Variants in NCAN observed in about 807,000 individuals in gnomAD.
The protein encoded by NCAN is neurocan.
In NCAN, 47 loss-of-function variants were observed where a neutral mutation model predicts 121.8. That is an observed-to-expected ratio of 0.39 (90% CI 0.31 to 0.49). The LOEUF (loss-of-function observed/expected upper bound fraction) is 0.49, where lower values mean the gene tolerates loss of function less well. Among genes scored for constraint, NCAN ranks in the 20% least tolerant of loss-of-function variants. The pLI, the probability that NCAN is intolerant of heterozygous loss-of-function variation, is 0.92. For synonymous variants in NCAN, 633 were observed against 702.0 expected (o/e 0.90, Z 1.55); for missense variants, 1,517 against 1,773.4 (o/e 0.86, Z 2.60).
At chr19:19,231,334 T>TC (rs2060858937) in intron 8 of NCAN, among the ~76,000 whole-genome samples, 1 of 150,674 alleles carries the variant, frequency 6.6e-6, no homozygotes, top group Non-Finnish European at 1.5e-5. Context: ...GGGTTTCTTT[T>TC]TTTTTTTTTT....
chr19:19,235,074 T>A lies in NCAN; in HGVS notation c.3228T>A (p.Tyr1076Ter). The A allele has an allele frequency of 6.2e-7, 1 of 1,612,520 alleles. No homozygotes were observed. Among genetic ancestry groups the A allele is most frequent in the Non-Finnish European group, 8.5e-7 (1 of 1,178,956 alleles). Residue 1076 changes from tyrosine (Y) to a stop codon, truncating the protein, a stop_gained, in exon 10 of 15, where the codon TAT becomes TAA. Coordinates refer to ENST00000252575, the MANE Select transcript of NCAN (RefSeq NM_004386.3). LOFTEE classifies it high-confidence loss of function. Reference sequence around the variant, plus strand: ...TTGTCTGCCTTTGCCTCCCCAGCTATGGGGGCAGCTTTTGTGAGAAAGGTG... The same window carrying A: ...TTGTCTGCCTTTGCCTCCCCAGCTAAGGGGGCAGCTTTTGTGAGAAAGGTG... ...NGFVCLCLPS[Y>*]GGSFCEKDTE... is the part of the protein sequence containing the mutation.
At chr19:19,218,174 A>G (rs1341997047) in intron 2 of NCAN, among the ~76,000 whole-genome samples, 1 of 151,890 alleles carries the variant, frequency 6.6e-6, no homozygotes, top group African/African-American at 2.4e-5. Context: ...GCTACTGGGG[A>G]GGCTGAGGCA....
chr19:19,245,420 C>T lies in NCAN; in HGVS notation c.3600C>T (p.Cys1200=). 6.2e-7 allele frequency: 1 copy of T among 1,614,218 alleles called. No individual in the cohort carries two copies. Among genetic ancestry groups the T allele is most frequent in the South Asian group, 1.1e-5 (1 of 91,088 alleles). The change falls in exon 13 of 15, where the codon TGC becomes TGT. Residue 1200 remains cysteine, a synonymous_variant. Coordinates refer to ENST00000252575, the MANE Select transcript of NCAN (RefSeq NM_004386.3). ...HESGRWNDVP[C]NYNLPYVCKK... is the part of the protein sequence containing the mutation. ...GCGGGCGCTGGAACGATGTCCCCTG[C>T]AACTACAACCTACCCTATGTCTGCA...
rs112069465 is a variant in NCAN, at chr19:19,249,809, A to C, written c.3864A>C (p.Gln1288His). The change falls in exon 15 of 15, where the codon CAA becomes CAC. Residue 1288 changes from glutamine (Q) to histidine (H), a missense_variant. Coordinates refer to ENST00000252575, the MANE Select transcript of NCAN (RefSeq NM_004386.3). ...TGCGGCGACACCACCACCACCACCA[A>C]CACCACCACCAGCATCACCACCACA... ...HRMRRHHHHHQHHHQHHHHKS... is the reference protein window; with the variant it reads ...HRMRRHHHHHHHHHQHHHHKS... 48 of 1,612,032 alleles carry C rather than the reference A, an allele frequency of 3.0e-5. No homozygotes were observed. Among genetic ancestry groups the C allele is most frequent in the African/African-American group, 1.5e-4 (11 of 74,704 alleles).
intron 5 of NCAN, 25 bp downstream of exon 5, chr19:19,224,458 G>T (rs764845349): frequency 1.2e-6 from 2 of 1,607,066 alleles, no homozygotes; most frequent in South Asian, 1.1e-5. Context: ...GGCAGGACCC[G>T]GCCCCTCCGC....
At chr19:19,243,737 G>C (rs2060912790) in intron 12 of NCAN, among the ~76,000 whole-genome samples, 3 of 151,590 alleles carry the variant, frequency 2.0e-5, no homozygotes, top group Admixed American at 1.3e-4. Context: ...CGTAAAAATG[G>C]TTAAAATTGG....
At chr19:19,223,445 T>C (rs2060823985) in intron 3 of NCAN, among the ~76,000 whole-genome samples, 1 of 152,188 alleles carries the variant, frequency 6.6e-6, no homozygotes, top group Non-Finnish European at 1.5e-5. Context: ...TTCAATAAGA[T>C]AATGCTTATA....
rs913375536 is a variant in NCAN at position 19,213,509 on chromosome 19, G to T, written c.-8+1445G>T. On this transcript the variant is annotated intron_variant, in intron 1 of 14. Transcript: ENST00000252575. The stretch of plus-strand genomic sequence containing the variant: ...CCGTTCATCAAGGGGTTTATGTGGG[G>T]GGGGGGGGGCCCGAGACTGTGGGTG... Among the ~76,000 whole-genome samples, 5 of 149,972 alleles carry T rather than the reference G, an allele frequency of 3.3e-5. 1 individual carries two copies. The highest frequency in any genetic ancestry group is 2.0e-4 in the East Asian group (1 of 5,056).
In NCAN at chr19:19,225,682, G is replaced by A. The variant is rs1272483796; in HGVS notation, c.1072+412G>A. ...TCTGGGCACCACACCGGATGTGGGA[G>A]CAGGGATGACACTCGCCCTTGTTGG... is the stretch of plus-strand genomic sequence containing the variant. On this transcript the variant is annotated intron_variant, in intron 6 of 14. Coordinates refer to ENST00000252575, the MANE Select transcript of NCAN (RefSeq NM_004386.3). This position sits in a 1 kb window ranked among gnomAD's most constrained non-coding sequence, Gnocchi z 4.0. Among the ~76,000 whole-genome samples the A allele has an allele frequency of 1.3e-5, 2 of 152,236 alleles. No individual in the cohort carries two copies. The highest frequency in any genetic ancestry group is 1.5e-5 in the Non-Finnish European group (1 of 68,038).
chr19:19,248,901 A>C lies in NCAN; in HGVS notation c.3820+19A>C. The C allele has an allele frequency of 6.2e-7, 1 of 1,612,436 alleles. No homozygotes were observed. The highest frequency in any genetic ancestry group is 8.5e-7 in the Non-Finnish European group (1 of 1,178,850). On this transcript the variant is annotated intron_variant, in intron 14 of 14. Transcript: ENST00000252575. ...ACCAAACGTAAGTAGCTTCTCCCAG[A>C]GATCTCAACATAGGTTTTTGGTATT...
chr19:19,249,860 C>G lies in NCAN; in HGVS notation c.3915C>G (p.His1305Gln), dbSNP rs1268096155. 6.2e-7 allele frequency: 1 copy of G among 1,614,124 alleles called. No homozygotes were observed. The highest frequency in any genetic ancestry group is 1.1e-5 in the South Asian group (1 of 91,072). The change falls in exon 15 of 15, where the codon CAC (histidine) becomes CAG (glutamine). Residue 1305 changes from histidine to glutamine, a missense_variant. His to Gln is a conservative substitution (Grantham distance 24). Coordinates refer to ENST00000252575, the MANE Select transcript of NCAN (RefSeq NM_004386.3). ...HHKSRKERRK[H>Q]KKHPTEDWEK... The stretch of plus-strand genomic sequence containing the variant: ...AATCCCGCAAGGAGCGCAGAAAACA[C>G]AAGAAACACCCAACGGAGGACTGGG...
In NCAN at chr19:19,228,611, G is replaced by A. The variant is rs755715030; in HGVS notation, c.2991G>A (p.Gly997=). The change falls in exon 8 of 15, where the codon GGG becomes GGA. Residue 997 remains glycine, a synonymous_variant. Transcript: ENST00000252575. ...GTGGAGAGGAGCCAGCCCTGCCAGG[G>A]ACCCCTATGAATGCAGGTGCGGAGG... The part of the protein sequence containing the change: ...VASGEEPALP[G]TPMNAGAEEV... The A allele has an allele frequency of 2.5e-6, 4 of 1,612,008 alleles. No individual in the cohort carries two copies. The East Asian group carries it at 8.9e-5, about 36-fold the overall frequency.
At chr19:19,238,683 A>ACAG (rs1295047736) in intron 11 of NCAN, 7 of 491,288 alleles carry the variant, frequency 1.4e-5, no homozygotes, top group African/African-American at 1.4e-4. Context: ...TTGACACAGC[A>ACAG]CAGCAGCAAT....
chr19:19,230,883 C>CTGTGTGTGTGTGTGTGTGTGTGTGTG (rs367759381), intron 8 of NCAN, among the ~76,000 whole-genome samples: 1 of 121,782 alleles, frequency 8.2e-6, no homozygotes, highest in African/African-American at 3.2e-5. Context: ...CCACACCCGG[C>CTGTGTGTGTGTGTGTGTGTGTGTGTG]TGTGTGTGTG....
chr19:19,239,640 C>T (rs2060895348), intron 11 of NCAN, among the ~76,000 whole-genome samples: 1 of 105,720 alleles, frequency 9.5e-6, no homozygotes, highest in Non-Finnish European at 2.0e-5. Context: ...TTCCCTCCCC[C>T]TCCTCCTTCC....
chr19:19,242,875 C>G (rs541325623), intron 12 of NCAN, among the ~76,000 whole-genome samples: 111 of 152,206 alleles, frequency 7.3e-4, no homozygotes, highest in African/African-American at 2.6e-3. Flanking sequence ...TGGTTCATGC[C>G]TGCAATCCCA....
Position 19,228,235 on chromosome 19 carries a change from C to T in NCAN, c.2615C>T (p.Pro872Leu). 1.2e-6 allele frequency: 2 copies of T among 1,613,904 alleles called. No individual in the cohort carries two copies. Among genetic ancestry groups the T allele is most frequent in the Non-Finnish European group, 1.7e-6 (2 of 1,180,014 alleles). The change falls in exon 8 of 15, where the codon CCC becomes CTC. Residue 872 changes from proline (P) to leucine (L), a missense_variant. Pro to Leu is a moderately conservative substitution (Grantham distance 98, BLOSUM62 -3). Coordinates refer to ENST00000252575, the MANE Select transcript of NCAN (RefSeq NM_004386.3). Reference protein sequence around the residue: ...QVALDTSIVTPLTTLEQGDKV... With the variant: ...QVALDTSIVTLLTTLEQGDKV... ...GCCCTGGATACAAGCATTGTGACGC[C>T]CCTCACGACCCTGGAGCAGGGGGAC...
intron 13 of NCAN, among the ~76,000 whole-genome samples, chr19:19,247,741 G>A (rs572671624): frequency 1.3e-5 from 2 of 152,248 alleles, no homozygotes; most frequent in South Asian, 2.1e-4. Flanking sequence ...CATTCCCATT[G>A]TGCCCTATGT....
intron 12 of NCAN, among the ~76,000 whole-genome samples, chr19:19,243,385 G>A (rs1410491655): frequency 1.3e-5 from 2 of 151,674 alleles, no homozygotes; most frequent in South Asian, 2.1e-4. Flanking sequence ...GCGTGGTGGC[G>A]TGCACGTGTA....
Sources: allele counts gnomAD v4.1 joint callset (sites outside exome capture counted in the v4.1 genomes callset), GRCh38; gene constraint gnomAD v4.1.1; non-coding constraint Gnocchi (gnomAD v3.1); transcripts MANE v1.5; gene names NCBI Gene and HGNC (gene_info 2026-07-23, HGNC 2026-07-21).